The following GSE1 variants were observed in gnomAD, a reference collection of about 807,000 sequenced individuals.
The protein encoded by GSE1 is genetic suppressor element 1.
A neutral mutation model predicts 112.6 loss-of-function variants in GSE1; 32 were observed. The ratio of observed to expected loss-of-function variants is 0.28; its 90% CI spans 0.21 to 0.38. GSE1 has a LOEUF of 0.38. Among genes scored for constraint, GSE1 ranks in the 10% least tolerant of loss-of-function variants. The probability of loss-of-function intolerance (pLI) is 1.00; values close to 1 mark genes in which losing one functional copy is unlikely to be tolerated. For missense variants in GSE1, 2,348 were observed against 1,699.2 expected (o/e 1.38, Z -6.71); for synonymous variants, 1,115 against 735.6 (o/e 1.52, Z -8.35).
chr16:85,470,837 G>T (rs1430358326), intron 2 of GSE1, among the ~76,000 whole-genome samples: 1 of 152,186 alleles, frequency 6.6e-6, no homozygotes, highest in South Asian at 2.1e-4. Context: ...GTGTAACCGT[G>T]GCAGTTTGGT....
chr16:85,358,511 G>A (rs140782932), intron 2 of GSE1, among the ~76,000 whole-genome samples: 1,560 of 152,248 alleles, frequency 0.01, 15 homozygotes, highest in African/African-American at 0.028. Context: ...AGTGAGGGCA[G>A]TGGGTCCAAA....
intron 2 of GSE1, among the ~76,000 whole-genome samples, chr16:85,505,963 T>A (rs1425995764): frequency 1.2e-4 from 17 of 147,476 alleles, no homozygotes; most frequent in South Asian, 2.2e-4. Context: ...AGACCCTGTC[T>A]CCAAAAAAAA....
intron 14 of GSE1, among the ~76,000 whole-genome samples, chr16:85,670,265 G>C (rs932215572): frequency 2.6e-5 from 4 of 152,160 alleles, no homozygotes; most frequent in African/African-American, 9.7e-5. Flanking sequence ...TTGTCTGATT[G>C]TCTTGTCACT....
chr16:85,504,258 A>G (rs565201564), intron 2 of GSE1, among the ~76,000 whole-genome samples: 12 of 152,346 alleles, frequency 7.9e-5, no homozygotes, highest in Admixed American at 7.8e-4. Flanking sequence ...ACGATGTAAG[A>G]TGGGCACTTG....
At chr16:85,229,710 C>T (rs929284412) in intron 1 of GSE1, among the ~76,000 whole-genome samples, 7 of 152,222 alleles carry the variant, frequency 4.6e-5, no homozygotes, top group African/African-American at 1.7e-4. Flanking sequence ...AACCAATATT[C>T]AGTGAGAGTG....
intron 2 of GSE1, among the ~76,000 whole-genome samples, chr16:85,370,435 C>A (rs74034703): frequency 0.026 from 3,909 of 152,322 alleles, 148 homozygotes; most frequent in African/African-American, 0.089. Flanking sequence ...TCACAAGACG[C>A]AGAGAACACA....
At position 85,245,007 on chromosome 16, in the gene GSE1, AAT is replaced by A. The variant is rs1491373435; in HGVS notation, c.2283+73201_2283+73202del. 9.3e-3 allele frequency among the ~76,000 whole-genome samples: 1,378 copies of A among 148,970 alleles called. 14 individuals are homozygous for A. The highest frequency in any genetic ancestry group is 0.015 in the Non-Finnish European group (980 of 67,222). On this transcript the variant is annotated intron_variant, in intron 1 of 2. Coordinates refer to the GSE1 transcript ENST00000637419. ...CTTCATCTCAAAAAAAAAAAAAAAA[AAT>A]TTTTTTTCCGAGTGTGGTGGCACAT...
intron 2 of GSE1, among the ~76,000 whole-genome samples, chr16:85,442,869 C>T (rs1464401182): frequency 6.6e-6 from 1 of 152,210 alleles, no homozygotes; most frequent in Admixed American, 6.5e-5. Context: ...GGGTTGATTT[C>T]TCCTGGAGGT....
intron 2 of GSE1, among the ~76,000 whole-genome samples, chr16:85,485,928 C>A (rs895796047): frequency 1.3e-5 from 2 of 152,214 alleles, no homozygotes; most frequent in African/African-American, 4.8e-5. Context: ...CCCTTCACCC[C>A]GGCCCTGAGG....
Position 85,616,989 on chromosome 16 carries a change from C to G in GSE1, c.7+3591C>G, listed in dbSNP as rs991031688. Among the ~76,000 whole-genome samples the G allele has an allele frequency of 2.6e-5, 4 of 152,210 alleles. No homozygotes were observed. The East Asian group carries it at 5.8e-4, about 22-fold the overall frequency. On this transcript the variant is annotated intron_variant, in intron 1 of 15. Coordinates refer to ENST00000253458, the MANE Select transcript of GSE1 (RefSeq NM_014615.5). Reference sequence around the variant, plus strand: ...GCCTTTTAATCTTGCTTCTGCAGCTCTGATTCCCCACCAGCCTCTTCTCTC... The same window carrying G: ...GCCTTTTAATCTTGCTTCTGCAGCTGTGATTCCCCACCAGCCTCTTCTCTC...
At chr16:85,350,698 T>C (rs72811722) in intron 1 of GSE1, among the ~76,000 whole-genome samples, 38,011 of 152,118 alleles carry the variant, frequency 0.25, 5,379 homozygotes, top group Non-Finnish European at 0.33. Flanking sequence ...GTTGAGAACC[T>C]GCTATGTTCC....
At chr16:85,222,764 G>A (rs1292257395) in intron 1 of GSE1, among the ~76,000 whole-genome samples, 1 of 152,134 alleles carries the variant, frequency 6.6e-6, no homozygotes, top group East Asian at 1.9e-4. Flanking sequence ...CCTCTCCGAG[G>A]GTGGGGAGCT....
At chr16:85,607,837 C>T (rs1052955938), upstream of GSE1, among the ~76,000 whole-genome samples, 3 of 152,202 alleles carry the variant, frequency 2.0e-5, no homozygotes, top group African/African-American at 4.8e-5. Context: ...GGCCTTCTTC[C>T]CTTGAGGCCC....
At position 85,663,526 on chromosome 16, in the gene GSE1, T is replaced by G. The variant is rs763378152; in HGVS notation, c.2556T>G (p.Asp852Glu). The G allele has an allele frequency of 2.5e-6, 4 of 1,613,268 alleles. No individual in the cohort carries two copies. Among genetic ancestry groups the G allele is most frequent in the Non-Finnish European group, 3.4e-6 (4 of 1,179,938 alleles). ...CGCTGTCTACCCGCTACAGCCCTGA[T>G]GAGATGAACAACAGTCCCAACTTCG... ...RLALSTRYSP[D>E]EMNNSPNFEE... Residue 852 changes from aspartate (D) to glutamate (E), a missense_variant, in exon 11 of 16, where the codon GAT (aspartate) becomes GAG (glutamate). Coordinates refer to ENST00000253458, the MANE Select transcript of GSE1 (RefSeq NM_014615.5).
intron 1 of GSE1, among the ~76,000 whole-genome samples, chr16:85,320,109 C>T (rs2046071549): frequency 6.6e-6 from 1 of 152,198 alleles, no homozygotes; most frequent in Admixed American, 6.5e-5. Context: ...AATGAGGCAA[C>T]AAGGAGAAGC....
At chr16:85,489,617 A>G (rs963619333) in intron 2 of GSE1, among the ~76,000 whole-genome samples, 17 of 147,446 alleles carry the variant, frequency 1.2e-4, no homozygotes, top group Non-Finnish European at 1.6e-4. Flanking sequence ...TGAAGTTGCT[A>G]CGCGGCCCGC....
chr16:85,505,091 C>T (rs1004559297), intron 2 of GSE1, among the ~76,000 whole-genome samples: 8 of 152,178 alleles, frequency 5.3e-5, no homozygotes, highest in African/African-American at 1.2e-4. Flanking sequence ...TCTCCTTTTC[C>T]GGTTTGGATC....
intron 1 of GSE1, among the ~76,000 whole-genome samples, chr16:85,324,998 C>T (rs1345747306): frequency 6.6e-6 from 1 of 152,098 alleles, no homozygotes; most frequent in East Asian, 1.9e-4. Flanking sequence ...GACAAGGTCT[C>T]ACTCTGTCAC....
intron 1 of GSE1, among the ~76,000 whole-genome samples, chr16:85,299,569 C>T (rs1183181276): frequency 6.6e-6 from 1 of 152,242 alleles, no homozygotes; most frequent in Non-Finnish European, 1.5e-5. Flanking sequence ...CAGCATGTCA[C>T]ACCTGAGCCC....
Sources: allele counts gnomAD v4.1 joint callset (sites outside exome capture counted in the v4.1 genomes callset), GRCh38; gene constraint gnomAD v4.1.1; transcripts MANE v1.5; gene names NCBI Gene and HGNC (gene_info 2026-07-23, HGNC 2026-07-21).